Variants in CSMD1 observed in about 807,000 individuals in gnomAD.
CSMD1 encodes CUB and sushi domain-containing protein 1.
A neutral mutation model predicts 417.5 loss-of-function variants in CSMD1; 213 were observed. That is an observed-to-expected ratio of 0.51 (90% CI 0.46 to 0.57). The LOEUF is 0.57. CSMD1 is among the 20% of genes least tolerant of loss of function. The pLI is 0.00. For synonymous variants in CSMD1, 2,862 were observed against 1,736.8 expected, an observed-to-expected ratio of 1.65 and a Z score of -16.11; for missense variants, 6,923 against 4,529.7, an observed-to-expected ratio of 1.53 and a Z score of -15.17.
intron 6 of CSMD1, among the ~76,000 whole-genome samples, chr8:3,745,379 G>C (rs1233006931): frequency 6.6e-6 from 1 of 152,128 alleles, no homozygotes; most frequent in Admixed American, 6.5e-5. Flanking sequence ...ACCAGCAGGA[G>C]GGAACCCTCT....
chr8:4,968,000 T>A (rs757934328), intron 1 of CSMD1, among the ~76,000 whole-genome samples: 2 of 152,146 alleles, frequency 1.3e-5, no homozygotes, highest in African/African-American at 4.8e-5. Flanking sequence ...GAGATTCAAA[T>A]TGGCATCATT....
In CSMD1 at chr8:3,116,394, CAT is replaced by C. The variant is rs371156463; in HGVS notation, c.6430+2003_6430+2004del. 5.5e-4 allele frequency among the ~76,000 whole-genome samples: 83 copies of C among 152,284 alleles called. 1 individual carries two copies. The highest frequency in any genetic ancestry group is 5.4e-3 in the East Asian group (28 of 5,172). On this transcript the variant is annotated intron_variant, in intron 42 of 69. Transcript: ENST00000635120. ...TGTGGCATCCTCCTGGACTCTGCCA[CAT>C]GTGTCTTTTCCCTGGAATATATTGA...
intron 1 of CSMD1, among the ~76,000 whole-genome samples, chr8:4,845,139 A>C (rs1585201948): frequency 1.3e-5 from 2 of 152,336 alleles, no homozygotes; most frequent in South Asian, 2.1e-4. Context: ...GTATATAAAA[A>C]TTATCACTAA....
intron 2 of CSMD1, among the ~76,000 whole-genome samples, chr8:4,468,407 G>C (rs1235104634): frequency 6.6e-6 from 1 of 152,168 alleles, no homozygotes; most frequent in Non-Finnish European, 1.5e-5. Flanking sequence ...ACCTTTAGCA[G>C]GGTAGACAAC....
intron 5 of CSMD1, among the ~76,000 whole-genome samples, chr8:3,835,601 G>A (rs751265695): frequency 1.1e-4 from 16 of 151,902 alleles, no homozygotes; most frequent in Admixed American, 9.9e-4. Flanking sequence ...TAGGAGATAT[G>A]CCTAATGCTA....
At chr8:3,762,159 G>T (rs1003161880) in intron 5 of CSMD1, among the ~76,000 whole-genome samples, 2 of 152,058 alleles carry the variant, frequency 1.3e-5, no homozygotes, top group African/African-American at 4.8e-5. Flanking sequence ...CCCATCCCCT[G>T]CTTTCTACAC....
chr8:3,649,202 C>CG (rs1797723935), intron 7 of CSMD1, among the ~76,000 whole-genome samples: 1 of 152,060 alleles, frequency 6.6e-6, no homozygotes, highest in Admixed American at 6.6e-5. Context: ...GTACTGATAC[C>CG]ATAAGTCTTC....
chr8:3,045,632 T>C (rs1811385732), intron 50 of CSMD1, among the ~76,000 whole-genome samples: 1 of 152,188 alleles, frequency 6.6e-6, no homozygotes, highest in African/African-American at 2.4e-5. Flanking sequence ...AATGTTAAAG[T>C]GGCACCTGTT....
Position 4,026,998 on chromosome 8 carries a change from T to C in CSMD1, c.610+4907A>G, listed in dbSNP as rs532094814. On this transcript the variant is annotated intron_variant, in intron 4 of 69. Coordinates refer to ENST00000635120, the MANE Select transcript of CSMD1 (RefSeq NM_033225.6). ...CAATTCTTATGCTGTAGTCCCACTA[T>C]GACAGATAATAAGCTAACCACATGA... is the stretch of plus-strand genomic sequence containing the variant. Among the ~76,000 whole-genome samples the C allele has an allele frequency of 4.6e-5, 7 of 152,318 alleles. No homozygotes were observed. The South Asian group carries it at 1.2e-3, about 27-fold the overall frequency.
chr8:3,636,992 C>G (rs1273556771), intron 7 of CSMD1, among the ~76,000 whole-genome samples: 2 of 152,104 alleles, frequency 1.3e-5, no homozygotes, highest in African/African-American at 2.4e-5. Flanking sequence ...CTCTCTTTCT[C>G]TCTGCTTGTT....
At chr8:4,035,124 A>G (rs1023833871) in intron 3 of CSMD1, among the ~76,000 whole-genome samples, 1 of 152,168 alleles carries the variant, frequency 6.6e-6, no homozygotes, top group African/African-American at 2.4e-5. Context: ...CAACAGCTCA[A>G]TGATACGACT....
chr8:4,239,118 G>C (rs750432504), intron 3 of CSMD1, among the ~76,000 whole-genome samples: 1 of 152,070 alleles, frequency 6.6e-6, no homozygotes, highest in Non-Finnish European at 1.5e-5. Flanking sequence ...GAGATTATGT[G>C]GGTTAAAACA....
In CSMD1 at chr8:4,161,261, G is replaced by C. The variant is rs141803783; in HGVS notation, c.416-129162C>G. ...TCTTACCATCTGCATTTACATGTGA[G>C]CCTTAGAAACATTACATAACTCACC... On this transcript the variant is annotated intron_variant, in intron 3 of 69. Coordinates refer to ENST00000635120, the MANE Select transcript of CSMD1 (RefSeq NM_033225.6). Among the ~76,000 whole-genome samples, 99 of 152,238 alleles carry C rather than the reference G, an allele frequency of 6.5e-4. 1 individual carries two copies. The East Asian group carries it at 0.018, about 28-fold the overall frequency.
intron 7 of CSMD1, among the ~76,000 whole-genome samples, chr8:3,662,283 G>C (rs748307511): frequency 1.3e-5 from 2 of 152,106 alleles, no homozygotes; most frequent in African/African-American, 4.8e-5. Context: ...CTTTCTCATT[G>C]TCACTAGTGA....
intron 1 of CSMD1, among the ~76,000 whole-genome samples, chr8:4,765,584 G>T (rs1812410117): frequency 6.6e-6 from 1 of 152,226 alleles, no homozygotes; most frequent in Non-Finnish European, 1.5e-5. Flanking sequence ...TATGGACAAT[G>T]CTATCAACCT....
chr8:3,125,942 A>G (rs569113493), intron 41 of CSMD1, among the ~76,000 whole-genome samples: 1 of 152,326 alleles, frequency 6.6e-6, no homozygotes, highest in East Asian at 1.9e-4. Flanking sequence ...GTGCCACTGC[A>G]CTCCAGCATG....
Position 4,383,704 on chromosome 8 carries a change from T to C in CSMD1, c.415+36249A>G, listed in dbSNP as rs1246304380. 1.3e-5 allele frequency among the ~76,000 whole-genome samples: 2 copies of C among 152,068 alleles called. 1 individual carries two copies. Among genetic ancestry groups the C allele is most frequent in the South Asian group, 4.1e-4 (2 of 4,828 alleles). ...AAATATTACAGTGTGGGAAACCTAA[T>C]AAAAACCCTGTCCCATGAGAAATTC... On this transcript the variant is annotated intron_variant, in intron 3 of 69. Coordinates refer to ENST00000635120, the MANE Select transcript of CSMD1 (RefSeq NM_033225.6).
chr8:4,270,399 G>C (rs901558313), intron 3 of CSMD1, among the ~76,000 whole-genome samples: 2 of 151,856 alleles, frequency 1.3e-5, no homozygotes, highest in African/African-American at 4.8e-5. Flanking sequence ...ATCTCCCTCG[G>C]CCACACTTGC....
At chr8:4,219,977 TCTCA>T (rs763619547) in intron 3 of CSMD1, among the ~76,000 whole-genome samples, 6 of 151,866 alleles carry the variant, frequency 4.0e-5, no homozygotes, top group Non-Finnish European at 7.4e-5. Context: ...TGAAATGGAG[TCTCA>T]CTCTGTCACC....
Sources: allele counts gnomAD v4.1 joint callset (sites outside exome capture counted in the v4.1 genomes callset), GRCh38; gene constraint gnomAD v4.1.1; transcripts MANE v1.5; gene names NCBI Gene and HGNC (gene_info 2026-07-23, HGNC 2026-07-21).